Variants in SPOCK3 observed in about 807,000 individuals in gnomAD.
SPOCK3 encodes testican-3.
In SPOCK3, 30 loss-of-function variants were observed where a neutral mutation model predicts 56.6. The observed-to-expected ratio is 0.53, with a 90% CI of 0.40 to 0.72. The LOEUF is 0.72. Among genes scored for constraint, SPOCK3 ranks in the 30% least tolerant of loss-of-function variants. The pLI is 0.00. For synonymous variants in SPOCK3, 196 were observed against 183.3 expected (o/e 1.07, Z -0.56); for missense variants, 527 against 530.0 (o/e 0.99, Z 0.06).
At chr4:166,993,641 T>A (rs777345309) in intron 4 of SPOCK3, among the ~76,000 whole-genome samples, 1 of 152,158 alleles carries the variant, frequency 6.6e-6, no homozygotes, top group African/African-American at 2.4e-5. Context: ...TATCCTATGA[T>A]CATGACAGGA....
At chr4:166,983,764 C>A (rs1746843035) in intron 4 of SPOCK3, among the ~76,000 whole-genome samples, 1 of 151,802 alleles carries the variant, frequency 6.6e-6, no homozygotes, top group Non-Finnish European at 1.5e-5. Context: ...GTATATTGCC[C>A]CTATGTGGAA....
At chr4:167,167,591 C>T (rs1473751589) in intron 2 of SPOCK3, among the ~76,000 whole-genome samples, 1 of 152,084 alleles carries the variant, frequency 6.6e-6, no homozygotes, top group Non-Finnish European at 1.5e-5. Context: ...TGAAACAATT[C>T]ATCCTAAGAA....
chr4:166,969,050 G>T (rs2150070635), intron 4 of SPOCK3, among the ~76,000 whole-genome samples: 1 of 152,312 alleles, frequency 6.6e-6, no homozygotes, highest in Non-Finnish European at 1.5e-5. Flanking sequence ...TTTCAAACTT[G>T]CATGGGGTCT....
rs550400800 is a variant in SPOCK3 at position 166,928,650 on chromosome 4, A to C, written c.351-15907T>G. 4.6e-5 allele frequency among the ~76,000 whole-genome samples: 7 copies of C among 152,278 alleles called. No individual in the cohort carries two copies. The South Asian group carries it at 8.3e-4, about 18-fold the overall frequency. On this transcript the variant is annotated intron_variant, in intron 4 of 10. Transcript: ENST00000357545. ...TTTGTCCAAACCCATAGAATGTACA[A>C]CACCAAGAGTCAACTCTAATGTAAA...
intron 3 of SPOCK3, among the ~76,000 whole-genome samples, chr4:167,020,607 G>A (rs933882002): frequency 6.6e-6 from 1 of 151,956 alleles, no homozygotes; most frequent in African/African-American, 2.4e-5. Flanking sequence ...TCTGCCATAT[G>A]GGGGCAGAGC....
intron 4 of SPOCK3, among the ~76,000 whole-genome samples, chr4:166,970,236 T>C (rs17599192): frequency 0.11 from 16,009 of 152,222 alleles, 1,129 homozygotes; most frequent in Middle Eastern, 0.22. Context: ...TTTTCTTTTT[T>C]GGTCATTTAT....
chr4:167,132,338 C>T (rs1762770933), intron 2 of SPOCK3, among the ~76,000 whole-genome samples: 1 of 152,124 alleles, frequency 6.6e-6, no homozygotes, highest in African/African-American at 2.4e-5. Flanking sequence ...ATTTATCTTT[C>T]AATTGTTATC....
At chr4:167,091,477 T>A (rs917600523) in intron 2 of SPOCK3, among the ~76,000 whole-genome samples, 1 of 152,156 alleles carries the variant, frequency 6.6e-6, no homozygotes, top group African/African-American at 2.4e-5. Flanking sequence ...AGCAGGTTTT[T>A]AAAAATATGT....
In SPOCK3 at chr4:167,028,406, A is replaced by ACAACAACAAC. The variant is rs35401736; in HGVS notation, c.236-27944_236-27943insGTTGTTGTTG. Among the ~76,000 whole-genome samples the ACAACAACAAC allele has an allele frequency of 3.6e-3, 546 of 151,002 alleles. 6 individuals are homozygous for ACAACAACAAC. The highest frequency in any genetic ancestry group is 0.012 in the African/African-American group (500 of 41,104). ...AACAACAACAACAACAACAACAACA[A>ACAACAACAAC]AAGAATAATCCTGCATGTGTACTAT... On this transcript the variant is annotated intron_variant, in intron 3 of 10. Coordinates refer to ENST00000357545, the MANE Select transcript of SPOCK3 (RefSeq NM_001040159.2).
intron 5 of SPOCK3, among the ~76,000 whole-genome samples, chr4:166,903,496 A>G (rs1226956046): frequency 6.6e-6 from 1 of 152,036 alleles, no homozygotes; most frequent in African/African-American, 2.4e-5. Context: ...CTAGTGCCTG[A>G]TGACAAATAT....
intron 7 of SPOCK3, among the ~76,000 whole-genome samples, chr4:166,762,194 T>C (rs1737333227): frequency 6.6e-6 from 1 of 152,166 alleles, no homozygotes; most frequent in Non-Finnish European, 1.5e-5. Flanking sequence ...TTTCCTATTT[T>C]CTGTGCAAGT....
chr4:167,152,700 T>A (rs1212035882), intron 2 of SPOCK3, among the ~76,000 whole-genome samples: 1 of 152,212 alleles, frequency 6.6e-6, no homozygotes, highest in Non-Finnish European at 1.5e-5. Flanking sequence ...TTCAAGAGGA[T>A]AAATCATATT....
chr4:167,024,938 T>C (rs1255508346), intron 3 of SPOCK3, among the ~76,000 whole-genome samples: 1 of 152,042 alleles, frequency 6.6e-6, no homozygotes, highest in Non-Finnish European at 1.5e-5. Context: ...CTTAAGTGCT[T>C]GAAACTGTGC....
rs1199502183 is a variant in SPOCK3, at chr4:166,754,203, A to G, written c.931+305T>C. The G allele has an allele frequency of 2.8e-6, 3 of 1,062,520 alleles. No individual in the cohort carries two copies. The African/African-American group carries it at 5.0e-5, about 18-fold the overall frequency. The allele number at this position is 1,062,520 out of a possible 1,614,324, so 65.8% of individuals were successfully genotyped here. A position where few individuals can be genotyped will look rare whatever the true frequency, so the allele number is the denominator to read the frequency against. On this transcript the variant is annotated intron_variant, in intron 8 of 10. Transcript: ENST00000357545. Reference sequence around the variant, plus strand: ...AGCAGATAGCAAATTAATTTTAATGATTACTTTCAGTATCTAAGTTCTTAA... The same window carrying G: ...AGCAGATAGCAAATTAATTTTAATGGTTACTTTCAGTATCTAAGTTCTTAA...
At chr4:166,890,059 T>C (rs1225728412) in intron 5 of SPOCK3, among the ~76,000 whole-genome samples, 1 of 151,914 alleles carries the variant, frequency 6.6e-6, no homozygotes, top group Non-Finnish European at 1.5e-5. Context: ...TAAATGTGCA[T>C]TTGTAATAAG....
intron 3 of SPOCK3, among the ~76,000 whole-genome samples, chr4:167,060,883 A>G (rs1321022723): frequency 6.6e-6 from 1 of 152,042 alleles, no homozygotes; most frequent in African/African-American, 2.4e-5. Context: ...TTCTTCATCT[A>G]CCTTGCAGGG....
At chr4:166,879,796 G>T (rs2126976059) in intron 6 of SPOCK3, among the ~76,000 whole-genome samples, 1 of 152,302 alleles carries the variant, frequency 6.6e-6, no homozygotes, top group South Asian at 2.1e-4. Flanking sequence ...TGTTGGAGGT[G>T]AGATCTGGCG....
intron 2 of SPOCK3, among the ~76,000 whole-genome samples, chr4:167,204,882 G>C (rs567587288): frequency 1.3e-5 from 2 of 150,848 alleles, no homozygotes; most frequent in South Asian, 2.1e-4. Context: ...CTTGAGTGTA[G>C]TGTTACTACC....
intron 7 of SPOCK3, among the ~76,000 whole-genome samples, chr4:166,784,494 GA>G (rs1314676343): frequency 6.6e-6 from 1 of 152,012 alleles, no homozygotes; most frequent in Non-Finnish European, 1.5e-5. Context: ...TAAAATGCCA[GA>G]TGTCTCAATA....
Sources: gnomAD v4.1 joint callset for allele counts (sites outside exome capture counted in the v4.1 genomes callset) on GRCh38, gnomAD v4.1.1 for gene constraint, MANE v1.5 for transcripts, NCBI Gene and HGNC (gene_info 2026-07-23, HGNC 2026-07-21) for gene names.